The following ARHGAP26 variants were observed in gnomAD, a reference collection of about 807,000 sequenced individuals.
ARHGAP26 encodes rho GTPase-activating protein 26.
ARHGAP26 carries 38 observed loss-of-function variants against 104.8 expected under a neutral mutation model. The ratio of observed to expected loss-of-function variants is 0.36; its 90% CI spans 0.28 to 0.48. ARHGAP26 has a LOEUF of 0.48. Among genes scored for constraint, ARHGAP26 ranks in the 20% least tolerant of loss-of-function variants. The probability of loss-of-function intolerance (pLI) is 0.99; values close to 1 mark genes in which losing one functional copy is unlikely to be tolerated. For missense variants in ARHGAP26, 704 were observed against 947.9 expected (o/e 0.74, Z 3.38); for synonymous variants, 341 against 340.0 (o/e 1.00, Z -0.03).
chr5:142,963,182 A>G (rs1452789465), intron 11 of ARHGAP26, among the ~76,000 whole-genome samples: 10 of 100,766 alleles, frequency 9.9e-5, no homozygotes, highest in East Asian at 6.1e-4. Flanking sequence ...GTATATATAT[A>G]TATATATATA....
At chr5:143,153,067 G>A (rs1253680923) in intron 20 of ARHGAP26, among the ~76,000 whole-genome samples, 1 of 152,182 alleles carries the variant, frequency 6.6e-6, no homozygotes, top group Non-Finnish European at 1.5e-5. Flanking sequence ...TGAGCTGTCT[G>A]CATGAATAGA....
chr5:143,089,856 C>T (rs547908191), intron 17 of ARHGAP26, among the ~76,000 whole-genome samples: 14 of 152,314 alleles, frequency 9.2e-5, no homozygotes, highest in Admixed American at 7.2e-4. Context: ...GGCCTTCTCT[C>T]GCTTCACGAT....
intron 19 of ARHGAP26, among the ~76,000 whole-genome samples, chr5:143,140,774 G>T (rs2150944346): frequency 6.6e-6 from 1 of 152,142 alleles, no homozygotes; most frequent in South Asian, 2.1e-4. Context: ...GTGGATTCTT[G>T]GGCCTTGTTT....
chr5:142,945,504 T>C (rs908799336), intron 11 of ARHGAP26, among the ~76,000 whole-genome samples: 4 of 152,250 alleles, frequency 2.6e-5, no homozygotes, highest in African/African-American at 9.6e-5. Flanking sequence ...TGAAGGTTTC[T>C]ATCGCCAGCT....
rs56114785 is a variant in ARHGAP26, at chr5:143,221,424, C to CAA, written c.2192-915_2192-914dup. Among the ~76,000 whole-genome samples the CAA allele has an allele frequency of 7.0e-3, 582 of 83,552 alleles. 4 individuals are homozygous for CAA. The highest frequency in any genetic ancestry group is 0.015 in the African/African-American group (370 of 23,908). 54.8% of individuals were successfully genotyped at this position (83,552 alleles called of 152,430 possible). ...AAAGGCTATTCAAAATGACAGCAAC[C>CAA]AAAAAAAAAAAAAAAAAAAACCCCA... On this transcript the variant is annotated intron_variant, in intron 22 of 22. Transcript: ENST00000645722.
intron 18 of ARHGAP26, among the ~76,000 whole-genome samples, chr5:143,133,489 G>C (rs1797588096): frequency 6.6e-6 from 1 of 152,078 alleles, no homozygotes; most frequent in Admixed American, 6.5e-5. Context: ...CCCTGCCCTG[G>C]GACCCTTTGT....
At chr5:143,111,721 A>G (rs1250002672) in intron 17 of ARHGAP26, among the ~76,000 whole-genome samples, 1 of 152,266 alleles carries the variant, frequency 6.6e-6, no homozygotes, top group Non-Finnish European at 1.5e-5. Flanking sequence ...AGCTCATGCT[A>G]TATTATACAA....
intron 6 of ARHGAP26, among the ~76,000 whole-genome samples, chr5:142,900,288 T>A (rs1401592487): frequency 1.3e-5 from 2 of 152,178 alleles, no homozygotes; most frequent in East Asian, 3.9e-4. Flanking sequence ...ACATTCATTA[T>A]CAGTCTCTAG....
intron 1 of ARHGAP26, among the ~76,000 whole-genome samples, chr5:142,844,029 A>G (rs1291103443): frequency 6.7e-6 from 1 of 150,012 alleles, no homozygotes; most frequent in South Asian, 2.1e-4. Context: ...GACAAGTATC[A>G]TTACATGTGA....
chr5:143,053,207 C>G (rs1306299957), intron 14 of ARHGAP26, among the ~76,000 whole-genome samples: 1 of 152,178 alleles, frequency 6.6e-6, no homozygotes, highest in Non-Finnish European at 1.5e-5. Context: ...TCTGATTGGG[C>G]AGGCTTAGGT....
intron 17 of ARHGAP26, among the ~76,000 whole-genome samples, chr5:143,112,827 G>GTA (rs755693914): frequency 3.9e-5 from 6 of 152,186 alleles, no homozygotes; most frequent in Non-Finnish European, 8.8e-5. Context: ...TATATTGTTT[G>GTA]TACGTAACAC....
At chr5:143,038,258 C>T (rs245825) in intron 13 of ARHGAP26, among the ~76,000 whole-genome samples, 150,365 of 152,212 alleles carry the variant, frequency 0.99, 74,555 homozygotes, top group Middle Eastern at 1. Flanking sequence ...ACTTTTTTTT[C>T]CATAAGGACT....
At chr5:142,872,663 G>A (rs757599213) in intron 1 of ARHGAP26, among the ~76,000 whole-genome samples, 1 of 152,192 alleles carries the variant, frequency 6.6e-6, no homozygotes, top group East Asian at 1.9e-4. Flanking sequence ...AATGATAAGG[G>A]CTCTTGAGAG....
At chr5:143,164,220 T>C (rs73290152) in intron 20 of ARHGAP26, among the ~76,000 whole-genome samples, 19,211 of 152,188 alleles carry the variant, frequency 0.13, 1,354 homozygotes, top group Middle Eastern at 0.21. Flanking sequence ...GTTTTGAGAA[T>C]GAGTAGTTCT....
At position 142,885,370 on chromosome 5, in the gene ARHGAP26, T is replaced by C. The variant is rs1181281907; in HGVS notation, c.457T>C (p.Ser153Pro). The change falls in exon 5 of 23, where the codon TCC becomes CCC. Residue 153 changes from serine to proline, a missense_variant. Physicochemically the swap from Ser to Pro is moderately conservative, Grantham distance 74. Transcript: ENST00000645722. Reference sequence around the variant, plus strand: ...CTTAGAAAAACACTTGAATTTGTCTTCCAAAAAGAAAGAATCTCAGCTTCA... The same window carrying C: ...CTTAGAAAAACACTTGAATTTGTCTCCCAAAAAGAAAGAATCTCAGCTTCA... The part of the protein sequence containing the change: ...GILEKHLNLS[S>P]KKKESQLQEA... 1 of 1,613,678 alleles carries C rather than the reference T, an allele frequency of 6.2e-7. No individual in the cohort carries two copies. The highest frequency in any genetic ancestry group is 8.5e-7 in the Non-Finnish European group (1 of 1,179,730).
At chr5:142,795,527 A>G (rs566564985) in intron 1 of ARHGAP26, among the ~76,000 whole-genome samples, 1 of 152,266 alleles carries the variant, frequency 6.6e-6, no homozygotes, top group East Asian at 1.9e-4. Context: ...TCAGGAAGTG[A>G]CCCACATTTT....
intron 20 of ARHGAP26, among the ~76,000 whole-genome samples, chr5:143,177,422 A>G (rs1384293313): frequency 1.3e-5 from 2 of 152,212 alleles, no homozygotes; most frequent in African/African-American, 2.4e-5. Context: ...AACAGGACTC[A>G]TCGAATGCCA....
chr5:142,916,302 T>G (rs1429554282), intron 10 of ARHGAP26, among the ~76,000 whole-genome samples: 1 of 152,254 alleles, frequency 6.6e-6, no homozygotes, highest in African/African-American at 2.4e-5. Context: ...TCATGTTATT[T>G]TGTAACAAAA....
In ARHGAP26 at chr5:142,902,107, C is replaced by T. The variant is rs1760438039; in HGVS notation, c.702+68C>T. 3 of 1,390,372 alleles carry T rather than the reference C, an allele frequency of 2.2e-6. No individual in the cohort carries two copies. The African/African-American group carries it at 4.3e-5, about 20-fold the overall frequency. 86.1% of individuals were successfully genotyped at this position (1,390,372 alleles called of 1,614,324 possible). The stretch of plus-strand genomic sequence containing the variant: ...AAAACAAAATATGGGCCTGATTGCC[C>T]TAGAAACCATCCAGGTGGCTTGGAA... On this transcript the variant is annotated intron_variant, in intron 7 of 22. Coordinates refer to ENST00000645722, the MANE Select transcript of ARHGAP26 (RefSeq NM_001135608.3).
Sources: gnomAD v4.1 joint callset for allele counts (sites outside exome capture counted in the v4.1 genomes callset) on GRCh38, gnomAD v4.1.1 for gene constraint, MANE v1.5 for transcripts, NCBI Gene and HGNC (gene_info 2026-07-23, HGNC 2026-07-21) for gene names.